The following NAV3 variants were observed in gnomAD, a reference collection of about 807,000 sequenced individuals.
The protein encoded by NAV3 is pore membrane and/or filament interacting like protein 1.
A neutral mutation model predicts 244.7 loss-of-function variants in NAV3; 87 were observed. That is an observed-to-expected ratio of 0.36 (90% CI 0.30 to 0.42). The LOEUF (loss-of-function observed/expected upper bound fraction) is 0.42, where lower values mean the gene tolerates loss of function less well. Among genes scored for constraint, NAV3 ranks in the 20% least tolerant of loss-of-function variants. The pLI is 1.00. For missense variants in NAV3, 2,663 were observed against 2,893.3 expected (o/e 0.92, Z 1.83); for synonymous variants, 1,126 against 1,042.2 (o/e 1.08, Z -1.55).
intron 3 of NAV3, among the ~76,000 whole-genome samples, chr12:77,959,232 A>G (rs1019400408): frequency 1.3e-5 from 2 of 152,128 alleles, no homozygotes; most frequent in African/African-American, 4.8e-5. Context: ...ATCTGCTGAC[A>G]TTCTGATTAA....
At chr12:78,183,637 ATCT>A (rs1285365452) in intron 30 of NAV3, among the ~76,000 whole-genome samples, 1 of 151,944 alleles carries the variant, frequency 6.6e-6, no homozygotes, top group African/African-American at 2.4e-5. Context: ...TTATTCACTC[ATCT>A]TTGGTAAATA....
intron 2 of NAV3, among the ~76,000 whole-genome samples, chr12:77,792,425 T>TCATGGTGGCCATGAG (rs1871220975): frequency 6.6e-6 from 1 of 152,170 alleles, no homozygotes; most frequent in Admixed American, 6.5e-5. Context: ...TGGATGTCAG[T>TCATGGTGGCCATGAG]CATGGTGGCC....
chr12:77,599,661 C>CT (rs202021200), intron 2 of NAV3, among the ~76,000 whole-genome samples: 3,600 of 151,346 alleles, frequency 0.024, 59 homozygotes, highest in Middle Eastern at 0.085. Context: ...TTTTCAAACC[C>CT]TTTTTTTTAT....
At chr12:78,088,465 T>C (rs1333998017) in intron 12 of NAV3, among the ~76,000 whole-genome samples, 3 of 152,142 alleles carry the variant, frequency 2.0e-5, no homozygotes, top group African/African-American at 4.8e-5. Context: ...TTGCAATTTT[T>C]CCTTTCACTT....
intron 2 of NAV3, among the ~76,000 whole-genome samples, chr12:77,647,152 T>C (rs541986188): frequency 1.2e-4 from 19 of 152,190 alleles, no homozygotes; most frequent in Admixed American, 8.5e-4. Context: ...AGCAAAACTT[T>C]GGAAATATCT....
intron 2 of NAV3, chr12:77,775,736 T>A (rs1040950391): frequency 6.6e-6 from 1 of 152,226 alleles, no homozygotes; most frequent in African/African-American, 2.4e-5. Context: ...TAGTGTACTA[T>A]GAGGTAAGTC....
At chr12:78,029,256 G>A (rs566185364) in intron 9 of NAV3, among the ~76,000 whole-genome samples, 1 of 151,478 alleles carries the variant, frequency 6.6e-6, no homozygotes, top group Admixed American at 6.6e-5. Context: ...TTTTAACATT[G>A]ATAATGAGGC....
chr12:78,070,223 T>C (rs1320055021), intron 12 of NAV3, among the ~76,000 whole-genome samples: 1 of 152,116 alleles, frequency 6.6e-6, no homozygotes, highest in South Asian at 2.1e-4. Context: ...TGGTGCCACA[T>C]ATATTGCTGA....
chr12:77,764,631 GT>G (rs1869649968), intron 2 of NAV3, among the ~76,000 whole-genome samples: 1 of 152,150 alleles, frequency 6.6e-6, no homozygotes, highest in Admixed American at 6.5e-5. Flanking sequence ...AGAGAGCCTC[GT>G]TTAATAAATT....
chr12:77,946,649 C>T (rs186444650), intron 3 of NAV3, among the ~76,000 whole-genome samples: 1 of 152,164 alleles, frequency 6.6e-6, no homozygotes, highest in East Asian at 1.9e-4. Flanking sequence ...AAAATATATA[C>T]TGCATGTCCC....
At chr12:78,209,608 T>C (rs1594063275) in intron 39 of NAV3, among the ~76,000 whole-genome samples, 1 of 151,394 alleles carries the variant, frequency 6.6e-6, no homozygotes, top group African/African-American at 2.4e-5. Context: ...ATTCAAGCAA[T>C]GTGACTGCTC....
At chr12:77,860,088 A>G (rs959192779) in intron 1 of NAV3, among the ~76,000 whole-genome samples, 4 of 151,882 alleles carry the variant, frequency 2.6e-5, no homozygotes, top group Admixed American at 2.6e-4. Flanking sequence ...CAAAGGGAAG[A>G]ATATTGTAAG....
rs117549206 is a variant in NAV3 at position 77,779,565 on chromosome 12, T to C, written c.73-160754T>C. Among the ~76,000 whole-genome samples, 1,091 of 152,330 alleles carry C rather than the reference T, an allele frequency of 7.2e-3. 8 individuals carry two copies. Among genetic ancestry groups the C allele is most frequent in the Middle Eastern group, 0.044 (13 of 294 alleles). On this transcript the variant is annotated intron_variant, in intron 2 of 8. Coordinates refer to the NAV3 transcript ENST00000550042. ...CATCATAATTTTCCTTTTTCTTTTTTTCAGGTTTTATAACTTATTTATATA... is the reference window on the plus strand; with the variant it reads ...CATCATAATTTTCCTTTTTCTTTTTCTCAGGTTTTATAACTTATTTATATA...
At chr12:77,959,014 A>G (rs549166759) in intron 3 of NAV3, among the ~76,000 whole-genome samples, 4 of 152,334 alleles carry the variant, frequency 2.6e-5, no homozygotes, top group Admixed American at 6.5e-5. Flanking sequence ...GGAATAACAC[A>G]TGAATTATAT....
chr12:77,950,083 T>A (rs1450921065), intron 3 of NAV3, among the ~76,000 whole-genome samples: 1 of 152,130 alleles, frequency 6.6e-6, no homozygotes, highest in Non-Finnish European at 1.5e-5. Flanking sequence ...TCTTAGTTGC[T>A]TCCAAGTTTT....
intron 1 of NAV3, among the ~76,000 whole-genome samples, chr12:77,881,146 T>G (rs1176154478): frequency 1.3e-5 from 2 of 152,194 alleles, no homozygotes; most frequent in African/African-American, 4.8e-5. Flanking sequence ...TCCTGTCACC[T>G]TTCCTTTACT....
intron 1 of NAV3, among the ~76,000 whole-genome samples, chr12:77,896,134 G>C (rs1372519943): frequency 6.6e-6 from 1 of 152,050 alleles, no homozygotes; most frequent in Non-Finnish European, 1.5e-5. Flanking sequence ...ATTTTCAAGA[G>C]ACAGATCGCT....
chr12:78,188,662 C>T lies in NAV3; in HGVS notation c.5940C>T (p.Cys1980=), dbSNP rs2139852143. The change falls in exon 33 of 40, where the codon TGC becomes TGT. Residue 1980 remains cysteine (C), a synonymous_variant. Coordinates refer to ENST00000397909, the MANE Select transcript of NAV3 (RefSeq NM_001024383.2). ...TSTSLGLSSD[C]IASYCIGDLI... Reference sequence around the variant, plus strand: ...CTAGCCTTGGTCTGAGCTCTGACTGCATTGCTAGCTACTGTATAGGAGACT... The same window carrying T: ...CTAGCCTTGGTCTGAGCTCTGACTGTATTGCTAGCTACTGTATAGGAGACT... 6.2e-7 allele frequency: 1 copy of T among 1,612,238 alleles called. No homozygotes were observed. The highest frequency in any genetic ancestry group is 8.5e-7 in the Non-Finnish European group (1 of 1,178,934).
At chr12:77,628,804 TC>T (rs1168951960) in intron 2 of NAV3, among the ~76,000 whole-genome samples, 1 of 149,228 alleles carries the variant, frequency 6.7e-6, no homozygotes, top group African/African-American at 2.5e-5. Context: ...GATGGGAGAA[TC>T]CCCTGAGCCC....
Sources: allele counts gnomAD v4.1 joint callset (sites outside exome capture counted in the v4.1 genomes callset), GRCh38; gene constraint gnomAD v4.1.1; transcripts MANE v1.5; gene names NCBI Gene and HGNC (gene_info 2026-07-23, HGNC 2026-07-21).